Variants in CAMK2D observed in about 807,000 individuals in gnomAD.
The protein encoded by CAMK2D is calcium/calmodulin-dependent protein kinase type II subunit delta.
In CAMK2D, 37 loss-of-function variants were observed where a neutral mutation model predicts 84.0. The observed-to-expected ratio is 0.44, with a 90% CI of 0.34 to 0.58. CAMK2D has a LOEUF of 0.58. Among genes scored for constraint, CAMK2D ranks in the 20% least tolerant of loss-of-function variants. The pLI is 0.02. For synonymous variants in CAMK2D, 202 were observed against 212.5 expected (o/e 0.95, Z 0.43); for missense variants, 448 against 652.5 (o/e 0.69, Z 3.41).
At chr4:113,492,659 C>T (rs1187541055) in intron 16 of CAMK2D, among the ~76,000 whole-genome samples, 2 of 150,248 alleles carry the variant, frequency 1.3e-5, no homozygotes, top group Non-Finnish European at 3.0e-5. Context: ...CTATTAGGTC[C>T]ACTTGGTGCA....
At chr4:113,498,982 A>G (rs1441753466) in intron 16 of CAMK2D, among the ~76,000 whole-genome samples, 1 of 152,190 alleles carries the variant, frequency 6.6e-6, no homozygotes, top group Non-Finnish European at 1.5e-5. Context: ...TTGGTTATTT[A>G]AAGATTCAGT....
intron 3 of CAMK2D, among the ~76,000 whole-genome samples, chr4:113,659,436 T>C (rs893703334): frequency 3.9e-5 from 6 of 152,216 alleles, no homozygotes; most frequent in African/African-American, 1.4e-4. Flanking sequence ...TGTGACTGTA[T>C]TATTTGCATA....
intron 16 of CAMK2D, among the ~76,000 whole-genome samples, chr4:113,485,515 C>T (rs890247286): frequency 6.6e-6 from 1 of 152,176 alleles, no homozygotes; most frequent in Admixed American, 6.5e-5. Flanking sequence ...AAACTCAACC[C>T]TCCCTTGACC....
chr4:113,632,042 C>T (rs1421588064), intron 3 of CAMK2D, among the ~76,000 whole-genome samples: 1 of 152,110 alleles, frequency 6.6e-6, no homozygotes, highest in Admixed American at 6.5e-5. Context: ...GATCCTCCCT[C>T]AGGAGCTTTG....
intron 3 of CAMK2D, among the ~76,000 whole-genome samples, chr4:113,620,119 A>T (rs140777932): frequency 0.023 from 3,487 of 152,288 alleles, 73 homozygotes; most frequent in Middle Eastern, 0.068. Flanking sequence ...GGGTTGGGTA[A>T]GGATGGAGGT....
intron 6 of CAMK2D, among the ~76,000 whole-genome samples, chr4:113,543,748 A>G (rs930387287): frequency 1.3e-5 from 2 of 151,346 alleles, no homozygotes; most frequent in Admixed American, 1.3e-4. Context: ...CTCTTCATAA[A>G]GAATCTATCT....
chr4:113,531,426 C>T, intron 7 of CAMK2D, 127 bp from the exon 8 acceptor site: 1 of 655,948 alleles, frequency 1.5e-6, no homozygotes. Context: ...CAACAAGGTT[C>T]TCAGAGCAAT....
At chr4:113,510,457 T>G (rs2098195893) in intron 12 of CAMK2D, among the ~76,000 whole-genome samples, 1 of 151,840 alleles carries the variant, frequency 6.6e-6, no homozygotes. Context: ...TGAAACTTCA[T>G]TTTTTTTGGA....
At chr4:113,635,943 T>C (rs17531924) in intron 3 of CAMK2D, among the ~76,000 whole-genome samples, 2,593 of 152,296 alleles carry the variant, frequency 0.017, 38 homozygotes, top group Middle Eastern at 0.044. Context: ...ATTGGTTGGT[T>C]CTCAAGTCAT....
In CAMK2D at chr4:113,754,865, G is replaced by A. The variant is rs774878539; in HGVS notation, c.160+4455C>T. On this transcript the variant is annotated intron_variant, in intron 2 of 20. Coordinates refer to ENST00000511664, the MANE Select transcript of CAMK2D (RefSeq NM_001321571.2). Reference sequence around the variant, plus strand: ...TGCCACTTCTGGGTCCATAACTGAAGAGTTGTGGAGATTCTATGTACAAAT... The same window carrying A: ...TGCCACTTCTGGGTCCATAACTGAAAAGTTGTGGAGATTCTATGTACAAAT... 4.0e-4 allele frequency: 390 copies of A among 982,896 alleles called. No individual in the cohort carries two copies. In the Middle Eastern group the frequency reaches 6.3e-3, roughly 16 times the overall value. 60.9% of individuals were successfully genotyped at this position (982,896 alleles called of 1,614,324 possible). A position where few individuals can be genotyped will look rare whatever the true frequency, so the allele number is the denominator to read the frequency against.
intron 3 of CAMK2D, 98 bp from the exon 4 acceptor site, chr4:113,609,304 G>C: frequency 1.4e-6 from 1 of 705,712 alleles, no homozygotes; most frequent in Non-Finnish European, 2.6e-6. Flanking sequence ...AGCTAGAAAT[G>C]TTGGCATTAC....
At chr4:113,609,852 C>A (rs1415388362) in intron 3 of CAMK2D, among the ~76,000 whole-genome samples, 2 of 152,112 alleles carry the variant, frequency 1.3e-5, no homozygotes, top group African/African-American at 4.8e-5. Flanking sequence ...TGAACTTTTG[C>A]TAAAATAATT....
chr4:113,572,486 C>G (rs555489883), intron 4 of CAMK2D, among the ~76,000 whole-genome samples: 1 of 151,324 alleles, frequency 6.6e-6, no homozygotes, highest in African/African-American at 2.4e-5. Flanking sequence ...TGAACAGACA[C>G]TTCTCAAAAG....
intron 16 of CAMK2D, among the ~76,000 whole-genome samples, chr4:113,467,871 G>A (rs2097495132): frequency 6.6e-6 from 1 of 152,018 alleles, no homozygotes; most frequent in African/African-American, 2.4e-5. Flanking sequence ...CGGGTGAGGA[G>A]GATCTCAGAA....
intron 3 of CAMK2D, among the ~76,000 whole-genome samples, chr4:113,637,693 G>A (rs936015716): frequency 1.3e-5 from 2 of 151,962 alleles, no homozygotes; most frequent in Non-Finnish European, 2.9e-5. Context: ...GTATAAACTT[G>A]GATGTAAATT....
intron 4 of CAMK2D, among the ~76,000 whole-genome samples, chr4:113,603,493 A>G (rs2098962702): frequency 6.7e-6 from 1 of 149,404 alleles, no homozygotes; most frequent in South Asian, 2.1e-4. Context: ...AAGAACAAAA[A>G]ACCAAACACC....
intron 2 of CAMK2D, among the ~76,000 whole-genome samples, chr4:113,667,163 G>C (rs1388713024): frequency 6.6e-6 from 1 of 152,132 alleles, no homozygotes; most frequent in Admixed American, 6.5e-5. Context: ...GTTTTATACT[G>C]TTGCATCTGC....
At chr4:113,709,911 C>T (rs1291418952) in intron 2 of CAMK2D, among the ~76,000 whole-genome samples, 3 of 150,002 alleles carry the variant, frequency 2.0e-5, no homozygotes, top group African/African-American at 4.9e-5. Flanking sequence ...ATGCCAGGCA[C>T]GGGGGTGGTG....
intron 5 of CAMK2D, 72 bp from the exon 6 acceptor site, chr4:113,547,788 C>G: frequency 1.0e-6 from 1 of 988,744 alleles, no homozygotes; most frequent in South Asian, 1.6e-5. Flanking sequence ...CTCAGAGAGA[C>G]TGGGTTAAAG....
Sources: gnomAD v4.1 joint callset for allele counts (sites outside exome capture counted in the v4.1 genomes callset) on GRCh38, gnomAD v4.1.1 for gene constraint, MANE v1.5 for transcripts, NCBI Gene and HGNC (gene_info 2026-07-23, HGNC 2026-07-21) for gene names.